Variants in CDKAL1 observed in about 807,000 individuals in gnomAD.
CDKAL1 encodes threonylcarbamoyladenosine tRNA methylthiotransferase.
CDKAL1 carries 32 observed loss-of-function variants against 68.2 expected under a neutral mutation model. The observed-to-expected ratio is 0.47, with a 90% CI of 0.35 to 0.63. The LOEUF (loss-of-function observed/expected upper bound fraction) is 0.63, where lower values mean the gene tolerates loss of function less well. Among genes scored for constraint, CDKAL1 ranks in the 30% least tolerant of loss-of-function variants. The pLI is 0.00. For synonymous variants in CDKAL1, 234 were observed against 244.3 expected (o/e 0.96, Z 0.39); for missense variants, 606 against 696.7 (o/e 0.87, Z 1.47).
intron 5 of CDKAL1, among the ~76,000 whole-genome samples, chr6:20,687,950 A>T (rs532117098): frequency 1.6e-4 from 24 of 152,250 alleles, no homozygotes; most frequent in Non-Finnish European, 2.9e-4. Context: ...TTGTTTGAGA[A>T]AGTATTTTTC....
intron 8 of CDKAL1, among the ~76,000 whole-genome samples, chr6:20,817,030 G>A (rs887052304): frequency 5.9e-5 from 9 of 152,088 alleles, no homozygotes; most frequent in Non-Finnish European, 1.3e-4. Flanking sequence ...TATGCACTGC[G>A]CTATGTTGCA....
chr6:20,700,789 G>A (rs1771315532), intron 5 of CDKAL1, among the ~76,000 whole-genome samples: 1 of 152,100 alleles, frequency 6.6e-6, no homozygotes, highest in Non-Finnish European at 1.5e-5. Context: ...GATGGAACTA[G>A]TGTAGATGCA....
chr6:20,992,159 C>A (rs1409387727), intron 10 of CDKAL1, among the ~76,000 whole-genome samples: 2 of 146,892 alleles, frequency 1.4e-5, no homozygotes, highest in East Asian at 1.9e-4. Flanking sequence ...TCCTAAATAG[C>A]TGGGATTACA....
chr6:21,057,471 T>C (rs527837642), intron 11 of CDKAL1, among the ~76,000 whole-genome samples: 1 of 151,048 alleles, frequency 6.6e-6, no homozygotes, highest in South Asian at 2.1e-4. Context: ...AAAAAACAGC[T>C]CCTGGACTTG....
chr6:20,666,472 A>G lies in CDKAL1; in HGVS notation c.371+17095A>G, dbSNP rs574962660. ...TATGACCCTCTCCTACAGACATGAA[A>G]TACCTGTTTGCTAGGATAGGAACAT... On this transcript the variant is annotated intron_variant, in intron 5 of 15. Coordinates refer to ENST00000274695, the MANE Select transcript of CDKAL1 (RefSeq NM_017774.3). Among the ~76,000 whole-genome samples the G allele has an allele frequency of 2.0e-5, 3 of 152,240 alleles. No homozygotes were observed. The East Asian group carries it at 5.8e-4, about 29-fold the overall frequency.
intron 4 of CDKAL1, among the ~76,000 whole-genome samples, chr6:20,591,586 A>G (rs1262679298): frequency 2.0e-5 from 3 of 152,184 alleles, no homozygotes; most frequent in Admixed American, 6.5e-5. Context: ...AGTTTTTTGC[A>G]TATGGCTAAC....
intron 13 of CDKAL1, among the ~76,000 whole-genome samples, chr6:21,119,348 G>C (rs1182305196): frequency 6.6e-6 from 1 of 152,186 alleles, no homozygotes; most frequent in African/African-American, 2.4e-5. Context: ...TAGGATGTCA[G>C]CTCTGCCACT....
chr6:20,892,348 T>G (rs541183502), intron 9 of CDKAL1, among the ~76,000 whole-genome samples: 1 of 152,318 alleles, frequency 6.6e-6, no homozygotes, highest in East Asian at 1.9e-4. Context: ...AAACAAACTA[T>G]TTAAAACTTG....
At chr6:20,667,910 T>G (rs1769629634) in intron 5 of CDKAL1, among the ~76,000 whole-genome samples, 1 of 152,174 alleles carries the variant, frequency 6.6e-6, no homozygotes, top group South Asian at 2.1e-4. Context: ...ATGGCTAAAA[T>G]TTTAAAACAA....
At chr6:20,838,694 C>T (rs112552885) in intron 8 of CDKAL1, among the ~76,000 whole-genome samples, 1,806 of 152,158 alleles carry the variant, frequency 0.012, 25 homozygotes, top group African/African-American at 0.039. Context: ...TGGAGAGGCC[C>T]GGGTGCAGTG....
chr6:21,129,169 T>C (rs764072602), intron 13 of CDKAL1, among the ~76,000 whole-genome samples: 3 of 152,174 alleles, frequency 2.0e-5, no homozygotes, highest in Non-Finnish European at 2.9e-5. Context: ...TGTTAAATAA[T>C]AATTATAAAT....
At chr6:20,732,263 C>CTTTTTTTTTTTTTTT (rs56911987) in intron 5 of CDKAL1, among the ~76,000 whole-genome samples, 71 of 83,460 alleles carry the variant, frequency 8.5e-4, no homozygotes, top group African/African-American at 1.1e-3. Flanking sequence ...TTCTTTCTTT[C>CTTTTTTTTTTTTTTT]TTTTTTTTTT....
chr6:20,864,357 T>A (rs1444946748), intron 9 of CDKAL1, among the ~76,000 whole-genome samples: 2 of 152,172 alleles, frequency 1.3e-5, no homozygotes, highest in African/African-American at 4.8e-5. Flanking sequence ...TTATTGAGTT[T>A]TTTTCTAGCA....
intron 15 of CDKAL1, among the ~76,000 whole-genome samples, chr6:21,229,867 C>T (rs919600696): frequency 2.0e-5 from 3 of 152,190 alleles, no homozygotes; most frequent in East Asian, 1.9e-4. Context: ...CTCCTCTCTC[C>T]GCTTCCCTGG....
rs1490249984 is a variant in CDKAL1 at position 20,838,195 on chromosome 6, G to A, written c.639-7880G>A. Among the ~76,000 whole-genome samples the A allele has an allele frequency of 5.9e-5, 9 of 152,056 alleles. No homozygotes were observed. In the East Asian group the frequency reaches 1.7e-3, roughly 29 times the overall value. ...TATATTCTTAAAGGATAAATTATAT[G>A]TCTATTTATATGTATAATGTATACA... is the stretch of plus-strand genomic sequence containing the variant. On this transcript the variant is annotated intron_variant, in intron 8 of 15. Coordinates refer to ENST00000274695, the MANE Select transcript of CDKAL1 (RefSeq NM_017774.3).
At position 20,762,144 on chromosome 6, in the gene CDKAL1, G is replaced by A. The variant is rs115078153; in HGVS notation, c.517+3501G>A. On this transcript the variant is annotated intron_variant, in intron 7 of 15. Coordinates refer to ENST00000274695, the MANE Select transcript of CDKAL1 (RefSeq NM_017774.3). Reference sequence around the variant, plus strand: ...AGTGTGCTTAGGAGTTTGCCAAATGGCCTGGAGAGATAAAATTTCTATGGG... The same window carrying A: ...AGTGTGCTTAGGAGTTTGCCAAATGACCTGGAGAGATAAAATTTCTATGGG... Among the ~76,000 whole-genome samples, 527 of 152,270 alleles carry A rather than the reference G, an allele frequency of 3.5e-3. 1 individual carries two copies. Among genetic ancestry groups the A allele is most frequent in the Non-Finnish European group, 5.3e-3 (363 of 68,016 alleles).
intron 4 of CDKAL1, among the ~76,000 whole-genome samples, chr6:20,594,554 A>G (rs968666691): frequency 2.0e-5 from 3 of 151,292 alleles, no homozygotes; most frequent in African/African-American, 7.3e-5. Context: ...CCATCCCTTT[A>G]TTTTGAGCCT....
At chr6:21,196,776 T>C (rs908201550) in intron 13 of CDKAL1, among the ~76,000 whole-genome samples, 2 of 152,156 alleles carry the variant, frequency 1.3e-5, no homozygotes, top group African/African-American at 4.8e-5. Context: ...GGGTCATAAT[T>C]ATTAAGTAGC....
chr6:20,872,173 A>T (rs1350367962), intron 9 of CDKAL1, among the ~76,000 whole-genome samples: 1 of 152,202 alleles, frequency 6.6e-6, no homozygotes, highest in East Asian at 1.9e-4. Context: ...ATTTTAATTT[A>T]AAAATGTATA....
Sources: gnomAD v4.1 joint callset for allele counts (sites outside exome capture counted in the v4.1 genomes callset) on GRCh38, gnomAD v4.1.1 for gene constraint, MANE v1.5 for transcripts, NCBI Gene and HGNC (gene_info 2026-07-23, HGNC 2026-07-21) for gene names.